Variants in TTLL5 observed in about 807,000 individuals in gnomAD.
TTLL5 encodes the protein tubulin polyglutamylase TTLL5.
In TTLL5, 132 loss-of-function variants were observed where a neutral mutation model predicts 168.4. That is an observed-to-expected ratio of 0.78 (90% confidence interval 0.68 to 0.91). The LOEUF (loss-of-function observed/expected upper bound fraction) is 0.91. Ranked by LOEUF, TTLL5 falls within the 40% of genes least tolerant of loss-of-function variation. The pLI is 0.00. For synonymous variants in TTLL5, 546 were observed against 558.6 expected (o/e 0.98, Z 0.32); for missense variants, 1,545 against 1,581.5 (o/e 0.98, Z 0.39).
At chr14:75,761,999 G>T (rs537380348) in intron 18 of TTLL5, among the ~76,000 whole-genome samples, 1 of 152,236 alleles carries the variant, frequency 6.6e-6, no homozygotes, top group South Asian at 2.1e-4. Context: ...TATACGTGAC[G>T]AAACAAAATA....
At chr14:75,810,969 A>G (rs762038412) in intron 27 of TTLL5, among the ~76,000 whole-genome samples, 21 of 152,100 alleles carry the variant, frequency 1.4e-4, no homozygotes, top group Non-Finnish European at 2.2e-4. Flanking sequence ...ATTTCCCTGA[A>G]TTCTAAAGCA....
At chr14:75,720,561 T>C (rs756071921) in intron 11 of TTLL5, 35 bp from the exon 12 acceptor site, 3 of 1,393,450 alleles carry the variant, frequency 2.2e-6, no homozygotes, top group Non-Finnish European at 2.0e-6. Flanking sequence ...TGTATTTTGA[T>C]ATTGAGTCTG....
chr14:75,707,589 T>C (rs757180067), intron 8 of TTLL5, 34 bp from the exon 9 acceptor site: 1 of 1,562,042 alleles, frequency 6.4e-7, no homozygotes, highest in Admixed American at 1.8e-5. Flanking sequence ...ATGAACTTAG[T>C]TTTTTTTTGT....
chr14:75,793,474 C>A (rs1021088710), intron 27 of TTLL5, among the ~76,000 whole-genome samples: 9 of 151,906 alleles, frequency 5.9e-5, no homozygotes, highest in Non-Finnish European at 5.9e-5. Context: ...ATAACATTAC[C>A]CTTTAAAAAA....
intron 30 of TTLL5, among the ~76,000 whole-genome samples, chr14:75,896,373 TA>T (rs2032662636): frequency 6.6e-6 from 1 of 152,182 alleles, no homozygotes; most frequent in Non-Finnish European, 1.5e-5. Flanking sequence ...CTGTATTTTA[TA>T]AAAACGATCA....
At chr14:75,863,911 TAAAAAAAAAAA>T in intron 29 of TTLL5, 49 bp downstream of exon 29, 12 of 98,528 alleles carry the variant, frequency 1.2e-4, no homozygotes, top group South Asian at 1.3e-3. Context: ...CTGCTGTTGG[TAAAAAAAAAAA>T]AAAAAAAAAA....
At chr14:75,738,673 A>T (rs921894482) in intron 15 of TTLL5, among the ~76,000 whole-genome samples, 1 of 152,210 alleles carries the variant, frequency 6.6e-6, no homozygotes, top group Admixed American at 6.5e-5. Flanking sequence ...AATGCTGTTG[A>T]CTTCAAAGAG....
At chr14:75,910,106 A>G (rs1454810381) in intron 31 of TTLL5, among the ~76,000 whole-genome samples, 11 of 152,246 alleles carry the variant, frequency 7.2e-5, no homozygotes, top group Non-Finnish European at 1.3e-4. Context: ...GAGATAGGCT[A>G]TGGAGGAAGA....
chr14:75,724,546 G>C (rs907757739), intron 12 of TTLL5, among the ~76,000 whole-genome samples: 1 of 152,130 alleles, frequency 6.6e-6, no homozygotes, highest in African/African-American at 2.4e-5. Flanking sequence ...AAGGACCTTA[G>C]AGAATAATTA....
At chr14:75,835,673 A>G (rs1051198612) in intron 28 of TTLL5, 1 of 152,196 alleles carries the variant, frequency 6.6e-6, no homozygotes, top group Admixed American at 6.5e-5. Context: ...TAATCAGAAT[A>G]TGTAAGGAAT....
intron 22 of TTLL5, 42 bp downstream of exon 22, chr14:75,775,672 CA>C: frequency 6.2e-7 from 1 of 1,609,384 alleles, no homozygotes; most frequent in South Asian, 1.1e-5. Flanking sequence ...GATTGCCATA[CA>C]CTGTCAGAAA....
chr14:75,671,524 A>G (rs542092609), intron 3 of TTLL5, among the ~76,000 whole-genome samples: 1 of 152,276 alleles, frequency 6.6e-6, no homozygotes, highest in African/African-American at 2.4e-5. Context: ...ATGAACATGG[A>G]ATGTCTTTCC....
Position 75,766,203 on chromosome 14 carries a change from A to G in TTLL5, c.1850A>G (p.Lys617Arg). 6.2e-7 allele frequency: 1 copy of G among 1,614,088 alleles called. No homozygotes were observed. The highest frequency in any genetic ancestry group is 8.5e-7 in the Non-Finnish European group (1 of 1,179,994). The change falls in exon 20 of 32, where the codon AAA becomes AGA. Residue 617 changes from lysine to arginine, a missense_variant. Lys to Arg is a conservative substitution (Grantham distance 26). Transcript: ENST00000298832. ...SAGFLRENQA[K>R]YTPSLTALVE... is the part of the protein sequence containing the mutation. ...GGATTTCTTAGAGAAAATCAAGCCA[A>G]ATATACACCCTCATTGACAGCTTTG... is the stretch of plus-strand genomic sequence containing the variant.
intron 27 of TTLL5, among the ~76,000 whole-genome samples, chr14:75,801,561 T>C (rs1173491837): frequency 1.3e-5 from 2 of 152,204 alleles, no homozygotes; most frequent in Non-Finnish European, 2.9e-5. Context: ...CTAGATCTTA[T>C]TCATGCTAAC....
At chr14:75,761,557 G>A (rs958448857) in intron 18 of TTLL5, among the ~76,000 whole-genome samples, 1 of 152,192 alleles carries the variant, frequency 6.6e-6, no homozygotes, top group African/African-American at 2.4e-5. Context: ...TCAAAAGCAT[G>A]CTGAGTGAAA....
At chr14:75,884,119 T>C (rs998916933) in intron 30 of TTLL5, among the ~76,000 whole-genome samples, 1 of 152,252 alleles carries the variant, frequency 6.6e-6, no homozygotes, top group African/African-American at 2.4e-5. Flanking sequence ...ACAGAGTTAA[T>C]ATGTGTGAAG....
At chr14:75,664,770 C>A (rs983905259) in intron 2 of TTLL5, among the ~76,000 whole-genome samples, 4 of 152,204 alleles carry the variant, frequency 2.6e-5, no homozygotes, top group African/African-American at 9.7e-5. Context: ...TTTCGGTGTG[C>A]TGCCTCTTAC....
chr14:75,701,508 A>G lies in TTLL5; in HGVS notation c.585+2238A>G, dbSNP rs1454684124. On this transcript the variant is annotated intron_variant, in intron 7 of 31. Transcript: ENST00000298832. Reference sequence around the variant, plus strand: ...CAAAACATGTTGACTCTCAGGCTTTACTTTAGGTGGACATGGTGAGAAGCA... The same window carrying G: ...CAAAACATGTTGACTCTCAGGCTTTGCTTTAGGTGGACATGGTGAGAAGCA... Among the ~76,000 whole-genome samples the G allele has an allele frequency of 2.0e-5, 3 of 152,286 alleles. No homozygotes were observed. The East Asian group carries it at 5.8e-4, about 29-fold the overall frequency.
Position 75,783,456 on chromosome 14 carries a change from G to C in TTLL5, c.2912G>C (p.Gly971Ala). Residue 971 changes from glycine to alanine, a missense_variant, in exon 26 of 32, where the codon GGT (glycine) becomes GCT (alanine). Gly to Ala is a moderately conservative substitution (Grantham distance 60). Transcript: ENST00000298832. ...TGTCGATCAGGAAGTCACACCATTG[G>C]TCCCTTTTCTTCCTTCCAAAGTGCT... ...PRCRSGSHTI[G>A]PFSSFQSAAH... is the part of the protein sequence containing the mutation. 2.5e-6 allele frequency: 4 copies of C among 1,614,136 alleles called. No individual in the cohort carries two copies. The highest frequency in any genetic ancestry group is 3.4e-6 in the Non-Finnish European group (4 of 1,180,022).
Sources: gnomAD v4.1 joint callset for allele counts (sites outside exome capture counted in the v4.1 genomes callset) on GRCh38, gnomAD v4.1.1 for gene constraint, MANE v1.5 for transcripts, NCBI Gene and HGNC (gene_info 2026-07-23, HGNC 2026-07-21) for gene names.